The following STPG2 variants were observed in gnomAD, a reference collection of about 807,000 sequenced individuals.
STPG2 encodes the protein sperm tail PG-rich repeat containing 2.
A neutral mutation model predicts 54.2 loss-of-function variants in STPG2; 56 were observed. That is an observed-to-expected ratio of 1.03 (90% CI 0.83 to 1.29). The LOEUF (loss-of-function observed/expected upper bound fraction) is 1.29, where lower values mean the gene tolerates loss of function less well. Ranked by LOEUF, STPG2 falls within the 50% of genes most tolerant of loss-of-function variation. STPG2 has a pLI of 0.00. For synonymous variants in STPG2, 200 were observed against 181.8 expected (o/e 1.10, Z -0.81); for missense variants, 596 against 544.9 (o/e 1.09, Z -0.93).
intron 4 of STPG2, among the ~76,000 whole-genome samples, chr4:97,547,277 C>A (rs941242258): frequency 1.3e-5 from 2 of 151,240 alleles, no homozygotes; most frequent in Non-Finnish European, 2.9e-5. Context: ...ATGGCACGAT[C>A]TCGGCTCACT....
chr4:98,121,388 T>C (rs1333920243), intron 3 of STPG2, among the ~76,000 whole-genome samples: 2 of 152,172 alleles, frequency 1.3e-5, no homozygotes, highest in Non-Finnish European at 2.9e-5. Flanking sequence ...TTTGGTTCCA[T>C]ATGAATTTTA....
chr4:97,910,626 C>T lies in STPG2; in HGVS notation c.1044+33271G>A, dbSNP rs181634069. 5.5e-4 allele frequency among the ~76,000 whole-genome samples: 83 copies of T among 152,202 alleles called. 2 individuals carry two copies. Among genetic ancestry groups the T allele is most frequent in the Admixed American group, 5.3e-3 (81 of 15,288 alleles). On this transcript the variant is annotated intron_variant, in intron 8 of 10. Transcript: ENST00000295268. ...CTAAAACAGAAGATGTAAATAGAAACTGTAATTTCATAACACGATACTGAA... is the reference window on the plus strand; with the variant it reads ...CTAAAACAGAAGATGTAAATAGAAATTGTAATTTCATAACACGATACTGAA...
chr4:98,022,876 T>G (rs7684432), intron 5 of STPG2, among the ~76,000 whole-genome samples: 59,757 of 151,948 alleles, frequency 0.39, 11,957 homozygotes, highest in Middle Eastern at 0.46. Context: ...CATCAGCTCC[T>G]TTAAGCACTT....
Position 97,938,672 on chromosome 4 carries a change from C to T in STPG2, c.1044+5225G>A, listed in dbSNP as rs747358825. ...GCAGAGCTTCCCAGGCTGGATGGCA[C>T]GCTCACTCACTGCCTCCCTTGGCTG... On this transcript the variant is annotated intron_variant, in intron 8 of 10. Coordinates refer to ENST00000295268, the MANE Select transcript of STPG2 (RefSeq NM_174952.3). Among the ~76,000 whole-genome samples, 39 of 152,178 alleles carry T rather than the reference C, an allele frequency of 2.6e-4. 1 individual carries two copies. Among genetic ancestry groups the T allele is most frequent in the African/African-American group, 2.2e-4 (9 of 41,432 alleles).
chr4:97,573,465 C>T (rs950533973), intron 10 of STPG2, among the ~76,000 whole-genome samples: 2 of 151,816 alleles, frequency 1.3e-5, no homozygotes, highest in Non-Finnish European at 2.9e-5. Flanking sequence ...AAGAAGGAAA[C>T]ATTCAGTGTT....
intron 10 of STPG2, among the ~76,000 whole-genome samples, chr4:97,587,179 T>A (rs939060264): frequency 7.9e-5 from 12 of 151,980 alleles, no homozygotes; most frequent in African/African-American, 2.4e-4. Context: ...AATGGATGAA[T>A]GAAATGGGTA....
chr4:97,842,414 G>A (rs745757529), intron 8 of STPG2, among the ~76,000 whole-genome samples: 1 of 151,800 alleles, frequency 6.6e-6, no homozygotes, highest in Admixed American at 6.6e-5. Context: ...AAAAGAAACC[G>A]GAAGAGATTA....
chr4:97,913,488 A>T (rs1731757328), intron 8 of STPG2, among the ~76,000 whole-genome samples: 1 of 152,222 alleles, frequency 6.6e-6, no homozygotes, highest in Non-Finnish European at 1.5e-5. Context: ...GGCTATAGAC[A>T]TAAATAACTT....
intron 10 of STPG2, among the ~76,000 whole-genome samples, chr4:97,566,062 G>A (rs1198873484): frequency 6.6e-6 from 1 of 152,206 alleles, no homozygotes; most frequent in Non-Finnish European, 1.5e-5. Context: ...AGACAGGCAG[G>A]CCTCCTTGAG....
At chr4:97,871,058 T>A (rs1222018460) in intron 8 of STPG2, among the ~76,000 whole-genome samples, 1 of 150,960 alleles carries the variant, frequency 6.6e-6, no homozygotes, top group African/African-American at 2.4e-5. Context: ...AACGTAATAC[T>A]AAATAGCTCG....
intron 9 of STPG2, among the ~76,000 whole-genome samples, chr4:97,737,424 G>A (rs1488215886): frequency 6.6e-6 from 1 of 152,112 alleles, no homozygotes; most frequent in Non-Finnish European, 1.5e-5. Context: ...AGCTACAGGA[G>A]GAAATTCAAA....
At chr4:97,717,667 T>C (rs1724332816) in intron 9 of STPG2, among the ~76,000 whole-genome samples, 1 of 152,162 alleles carries the variant, frequency 6.6e-6, no homozygotes, top group African/African-American at 2.4e-5. Context: ...ATACTTCCAC[T>C]CTGTGATAAC....
intron 4 of STPG2, among the ~76,000 whole-genome samples, chr4:97,523,280 C>T (rs549998643): frequency 3.3e-5 from 5 of 151,528 alleles, no homozygotes; most frequent in African/African-American, 4.8e-5. Context: ...ACCCCCAAGC[C>T]GGATAAATAT....
At chr4:97,745,448 CCT>C (rs1260298056) in intron 9 of STPG2, among the ~76,000 whole-genome samples, 1 of 150,900 alleles carries the variant, frequency 6.6e-6, no homozygotes, top group Non-Finnish European at 1.5e-5. Context: ...TTCATTTCCC[CCT>C]TAGTCTACTG....
chr4:97,738,347 A>G (rs1013822853), intron 9 of STPG2, among the ~76,000 whole-genome samples: 4 of 152,202 alleles, frequency 2.6e-5, no homozygotes, highest in African/African-American at 9.7e-5. Context: ...ACAGGATCAA[A>G]TTCACACATA....
At chr4:97,998,907 T>C (rs1450757515) in intron 5 of STPG2, among the ~76,000 whole-genome samples, 1 of 152,202 alleles carries the variant, frequency 6.6e-6, no homozygotes, top group Non-Finnish European at 1.5e-5. Flanking sequence ...CATGTCCTGT[T>C]ATGGCCTTAG....
intron 3 of STPG2, among the ~76,000 whole-genome samples, chr4:98,120,009 G>C (rs1210210360): frequency 6.6e-6 from 1 of 152,082 alleles, no homozygotes; most frequent in African/African-American, 2.4e-5. Flanking sequence ...ATTGATGGCA[G>C]TTGGGTTGAT....
At chr4:97,702,473 G>C (rs1033543589) in intron 10 of STPG2, among the ~76,000 whole-genome samples, 1 of 152,126 alleles carries the variant, frequency 6.6e-6, no homozygotes, top group African/African-American at 2.4e-5. Context: ...GACCCACTGG[G>C]ACTTTAATCT....
chr4:97,902,908 T>C (rs990838210), intron 8 of STPG2, among the ~76,000 whole-genome samples: 2 of 152,160 alleles, frequency 1.3e-5, no homozygotes, highest in African/African-American at 2.4e-5. Context: ...TGGCCACTAA[T>C]GGATGAACAG....
Sources: gnomAD v4.1 joint callset for allele counts (sites outside exome capture counted in the v4.1 genomes callset) on GRCh38, gnomAD v4.1.1 for gene constraint, MANE v1.5 for transcripts, NCBI Gene and HGNC (gene_info 2026-07-23, HGNC 2026-07-21) for gene names.